Variants in CEP192 observed in about 807,000 individuals in gnomAD.
CEP192 encodes the protein centrosomal protein 192, also known as centrosomal protein of 192 kDa.
In CEP192, 151 loss-of-function variants were observed where a neutral mutation model predicts 271.8. That is an observed-to-expected ratio of 0.56 (90% confidence interval 0.49 to 0.64). The LOEUF (loss-of-function observed/expected upper bound fraction) is 0.64. Among genes scored for constraint, CEP192 ranks in the 30% least tolerant of loss-of-function variants. The pLI, the probability that CEP192 is intolerant of heterozygous loss-of-function variation, is 0.00. For missense variants in CEP192, 2,910 were observed against 3,020.5 expected (o/e 0.96, Z 0.86); for synonymous variants, 995 against 1,076.5 (o/e 0.92, Z 1.48).
chr18:13,011,095 C>T (rs1203806272), intron 4 of CEP192, among the ~76,000 whole-genome samples: 1 of 151,378 alleles, frequency 6.6e-6, no homozygotes, highest in Non-Finnish European at 1.5e-5. Flanking sequence ...GGCGTGGTGG[C>T]GGGCGCCTGT....
chr18:13,114,079 A>G (rs1173776103), intron 41 of CEP192, 51 bp from the exon 42 acceptor site: 2 of 1,561,816 alleles, frequency 1.3e-6, no homozygotes, highest in Non-Finnish European at 8.6e-7. Context: ...ATGTCCATAT[A>G]TTTTCTTAGT....
intron 40 of CEP192, among the ~76,000 whole-genome samples, chr18:13,106,940 C>T (rs61238827): frequency 3.3e-5 from 5 of 152,310 alleles, no homozygotes; most frequent in Admixed American, 1.3e-4. Flanking sequence ...GTTTCCTTTT[C>T]TTTGGATCTT....
chr18:13,050,693 C>T (rs2144022225), intron 17 of CEP192, among the ~76,000 whole-genome samples: 1 of 152,044 alleles, frequency 6.6e-6, no homozygotes, highest in African/African-American at 2.4e-5. Flanking sequence ...GATTCTCCTG[C>T]CTCGGTCTCC....
chr18:13,081,924 T>A (rs2038631743), intron 30 of CEP192, among the ~76,000 whole-genome samples: 1 of 152,180 alleles, frequency 6.6e-6, no homozygotes, highest in Admixed American at 6.5e-5. Flanking sequence ...TTTGAGTGAG[T>A]TTCTTAATCC....
intron 35 of CEP192, 73 bp downstream of exon 35, chr18:13,095,754 C>T: frequency 7.5e-7 from 1 of 1,335,876 alleles, no homozygotes; most frequent in South Asian, 1.3e-5. Context: ...GTGCCCATGG[C>T]CTATCCAAGA....
intron 41 of CEP192, 46 bp from the exon 42 acceptor site, chr18:13,114,084 C>G (rs751545214): frequency 1.3e-6 from 2 of 1,566,644 alleles, no homozygotes; most frequent in Non-Finnish European, 1.7e-6. Flanking sequence ...CATATATTTT[C>G]TTAGTTTTTA....
At chr18:13,055,279 C>CAAA (rs34080432) in intron 18 of CEP192, among the ~76,000 whole-genome samples, 6 of 97,616 alleles carry the variant, frequency 6.1e-5, no homozygotes, top group South Asian at 3.3e-4. Context: ...GACTCTGTCT[C>CAAA]AAAAAAAAAA....
In CEP192 at chr18:13,124,982, A is replaced by G. The variant is rs1598672324; in HGVS notation, c.*212A>G. ...ACTTAACTTTTACAGGTGAGAAGAG[A>G]GTTCTGTGTTTGCATTGATTATGAT... is the stretch of plus-strand genomic sequence containing the variant. On this transcript the variant is annotated 3_prime_UTR_variant, in exon 45 of 45. Transcript: ENST00000506447. 1.5e-5 allele frequency: 6 copies of G among 410,458 alleles called. No homozygotes were observed. In the East Asian group the frequency reaches 2.2e-4, roughly 15 times the overall value. The allele number at this position is 410,458 out of a possible 1,614,324, so 25.4% of individuals were successfully genotyped here.
At chr18:13,019,399 AAT>A (rs1324768221) in intron 9 of CEP192, among the ~76,000 whole-genome samples, 193 bp downstream of exon 9, 32 of 152,162 alleles carry the variant, frequency 2.1e-4, no homozygotes, top group African/African-American at 7.5e-4. Context: ...CTTGCATTTA[AAT>A]ATTTATTGAC....
chr18:13,058,925 A>AGG (rs2037261341), intron 20 of CEP192, 157 bp from the exon 21 acceptor site: 4 of 615,970 alleles, frequency 6.5e-6, no homozygotes, highest in Non-Finnish European at 1.2e-5. Context: ...TGTACTTCAG[A>AGG]GACCATAAAT....
intron 34 of CEP192, 78 bp from the exon 35 acceptor site, chr18:13,095,425 A>G: frequency 9.8e-7 from 1 of 1,020,420 alleles, no homozygotes; most frequent in Non-Finnish European, 1.5e-6. Context: ...TATGTGATAC[A>G]ATCTGGCCTT....
At chr18:13,095,718 C>T (rs754538391) in intron 35 of CEP192, 37 bp downstream of exon 35, 45 of 1,575,558 alleles carry the variant, frequency 2.9e-5, no homozygotes, top group South Asian at 5.7e-5. Context: ...GAGGTGTGTT[C>T]CGGCGTCCGG....
rs2034704304 is a variant in CEP192, at chr18:13,017,233, C to T, written c.686C>T (p.Ala229Val). The T allele has an allele frequency of 6.5e-7, 1 of 1,549,088 alleles. No individual in the cohort carries two copies. Among genetic ancestry groups the T allele is most frequent in the African/African-American group, 1.4e-5 (1 of 72,910 alleles). ...DEMFYDDHLE[A>V]YFEQLAIPGM... ...ATGTTTTATGATGATCATTTGGAGGCTTATTTTGAACAACTGGCAATTCCA... is the reference window on the plus strand; with the variant it reads ...ATGTTTTATGATGATCATTTGGAGGTTTATTTTGAACAACTGGCAATTCCA... The change falls in exon 7 of 45, where the codon GCT becomes GTT. Residue 229 changes from alanine (A) to valine (V), a missense_variant. Transcript: ENST00000506447.
At chr18:13,040,078 G>A (rs1291657263) in intron 13 of CEP192, among the ~76,000 whole-genome samples, 6 of 152,150 alleles carry the variant, frequency 3.9e-5, no homozygotes. Flanking sequence ...ATTCATAGAA[G>A]TTGAAGAGTA....
At chr18:13,021,172 T>G (rs926553653) in intron 9 of CEP192, among the ~76,000 whole-genome samples, 1 of 152,236 alleles carries the variant, frequency 6.6e-6, no homozygotes, top group Non-Finnish European at 1.5e-5. Flanking sequence ...TGTTTTATTC[T>G]AAGAGTTTTA....
intron 17 of CEP192, among the ~76,000 whole-genome samples, chr18:13,051,847 T>G (rs1366283708): frequency 1.3e-5 from 2 of 152,196 alleles, no homozygotes; most frequent in African/African-American, 4.8e-5. Flanking sequence ...CCAGCCAATT[T>G]GGGACTTTTT....
chr18:13,001,084 T>A (rs1385931332), intron 2 of CEP192, among the ~76,000 whole-genome samples: 2 of 152,264 alleles, frequency 1.3e-5, no homozygotes, highest in Non-Finnish European at 1.5e-5. Flanking sequence ...AGTTTACACA[T>A]CCATTACATG....
At chr18:12,998,313 G>T (rs566901337) in intron 1 of CEP192, among the ~76,000 whole-genome samples, 1 of 152,226 alleles carries the variant, frequency 6.6e-6, no homozygotes, top group African/African-American at 2.4e-5. Context: ...TTCTAGCTTC[G>T]TTTACTGTGT....
intron 18 of CEP192, among the ~76,000 whole-genome samples, chr18:13,053,490 A>T (rs1237944132): frequency 6.6e-6 from 1 of 152,164 alleles, no homozygotes; most frequent in African/African-American, 2.4e-5. Context: ...GAGTTAACAC[A>T]TGGGGAGGTG....
Sources: allele counts gnomAD v4.1 joint callset (sites outside exome capture counted in the v4.1 genomes callset), GRCh38; gene constraint gnomAD v4.1.1; transcripts MANE v1.5; gene names NCBI Gene and HGNC (gene_info 2026-07-23, HGNC 2026-07-21).